CACNG8: variants seen among roughly 807,000 people sequenced by gnomAD.
The protein encoded by CACNG8 is voltage-dependent calcium channel gamma-8 subunit.
CACNG8 carries 5 observed loss-of-function variants against 26.9 expected under a neutral mutation model. The observed-to-expected ratio is 0.19, with a 90% confidence interval of 0.10 to 0.39. CACNG8 has a LOEUF of 0.39. Among genes scored for constraint, CACNG8 ranks in the 10% least tolerant of loss-of-function variants. CACNG8 has a pLI of 1.00. For missense variants in CACNG8, 473 were observed against 609.4 expected (o/e 0.78, Z 2.36); for synonymous variants, 321 against 296.7 (o/e 1.08, Z -0.84).
intron 1 of CACNG8, among the ~76,000 whole-genome samples, chr19:53,972,355 TC>T (rs2069307438): frequency 8.3e-6 from 1 of 121,070 alleles, no homozygotes. Context: ...TCTCTTTTCT[TC>T]TTTTCTTTTT....
At chr19:53,967,999 G>A (rs1050527701) in intron 1 of CACNG8, among the ~76,000 whole-genome samples, 12 of 152,204 alleles carry the variant, frequency 7.9e-5, no homozygotes. Context: ...CTAGAGATAT[G>A]ATGTAGGAGG....
At position 53,967,060 on chromosome 19, in the gene CACNG8, G is replaced by A. The variant is rs191625599; in HGVS notation, c.283+3635G>A. 3.3e-5 allele frequency among the ~76,000 whole-genome samples: 5 copies of A among 152,270 alleles called. No homozygotes were observed. In the East Asian group the frequency reaches 5.8e-4, roughly 18 times the overall value. ...GTGGATAATTCTGTGTGGAGGGGCC[G>A]TCCTATGCATTGTAGGATGCTGAGC... On this transcript the variant is annotated intron_variant, in intron 1 of 3. Coordinates refer to ENST00000270458, the MANE Select transcript of CACNG8 (RefSeq NM_031895.6).
At position 53,965,487 on chromosome 19, in the gene CACNG8, G is replaced by C. The variant is rs149250015; in HGVS notation, c.283+2062G>C. On this transcript the variant is annotated intron_variant, in intron 1 of 3. Coordinates refer to ENST00000270458, the MANE Select transcript of CACNG8 (RefSeq NM_031895.6). ...ATTCACTGGTCTGACCAAGTACCAG[G>C]CATAGAGCCAAGTGTGAGGGCTCCC... Among the ~76,000 whole-genome samples, 275 of 151,838 alleles carry C rather than the reference G, an allele frequency of 1.8e-3. 4 individuals carry two copies. The highest frequency in any genetic ancestry group is 3.4e-3 in the Non-Finnish European group (234 of 67,952).
At chr19:53,967,890 T>C (rs1200600046) in intron 1 of CACNG8, among the ~76,000 whole-genome samples, 3 of 152,094 alleles carry the variant, frequency 2.0e-5, no homozygotes, top group Non-Finnish European at 4.4e-5. Context: ...AAAATCATCT[T>C]CTTCTTTGAC....
In CACNG8 at chr19:53,963,364, G is replaced by A. The variant is rs1036844702; in HGVS notation, c.222G>A (p.Ser74=). 15 of 1,588,728 alleles carry A rather than the reference G, an allele frequency of 9.4e-6. No homozygotes were observed. The highest frequency in any genetic ancestry group is 1.3e-5 in the Non-Finnish European group (15 of 1,174,038). The change falls in exon 1 of 4, where the codon TCG becomes TCA. Residue 74 remains serine, a synonymous_variant. Coordinates refer to ENST00000270458, the MANE Select transcript of CACNG8 (RefSeq NM_031895.6). ...CCCACCGCGGGGGCGGCGGCGCCTC[G>A]GAGAAGAAGGACCCCGGCGGCCTCA...
In CACNG8 at chr19:53,970,834, A is replaced by G. The variant is rs1052609339; in HGVS notation, c.284-7312A>G. Among the ~76,000 whole-genome samples the G allele has an allele frequency of 6.7e-5, 10 of 150,218 alleles. No individual in the cohort carries two copies. The East Asian group carries it at 1.6e-3, about 24-fold the overall frequency. On this transcript the variant is annotated intron_variant, in intron 1 of 3. Coordinates refer to ENST00000270458, the MANE Select transcript of CACNG8 (RefSeq NM_031895.6). The stretch of plus-strand genomic sequence containing the variant: ...GTAGTCCCCACTACTAGGGAGGCTG[A>G]GGTAGAAGGATTGCTTGAGCCCAGA...
chr19:53,970,477 TA>T (rs2069296044), intron 1 of CACNG8, among the ~76,000 whole-genome samples: 1 of 147,128 alleles, frequency 6.8e-6, no homozygotes, highest in South Asian at 2.1e-4. Context: ...ATACAAAAAT[TA>T]GTCGGGCGTA....
chr19:53,984,541 G>A lies in CACNG8; in HGVS notation c.*1692G>A, dbSNP rs547426600. 1 of 152,522 alleles carries A rather than the reference G, an allele frequency of 6.6e-6. No individual in the cohort carries two copies. Among genetic ancestry groups the A allele is most frequent in the East Asian group, 1.9e-4 (1 of 5,186 alleles). The allele number at this position is 152,522 out of a possible 1,614,324, so 9.4% of individuals were successfully genotyped here. On this transcript the variant is annotated 3_prime_UTR_variant, in exon 4 of 4. Coordinates refer to ENST00000270458, the MANE Select transcript of CACNG8 (RefSeq NM_031895.6). ...GCCAAAGAACAACTTGGGTGAAAAC[G>A]GGAGGAAGTGAACGAGCATGATGTA...
intron 2 of CACNG8, 50 bp downstream of exon 2, chr19:53,978,279 C>G: frequency 6.7e-7 from 1 of 1,490,854 alleles, no homozygotes; most frequent in Non-Finnish European, 9.3e-7. Flanking sequence ...ATCGCGGGGC[C>G]TGGAAGGCGT....
rs1397189222 is a variant in CACNG8 at position 53,989,236 on chromosome 19, C to G, written c.*6387C>G. The G allele has an allele frequency of 1.3e-5, 2 of 152,282 alleles. No individual in the cohort carries two copies. 9.4% of individuals were successfully genotyped at this position (152,282 alleles called of 1,614,324 possible). A position where few individuals can be genotyped will look rare whatever the true frequency, so the allele number is the denominator to read the frequency against. The stretch of plus-strand genomic sequence containing the variant: ...GAGCTATGATTGCACCATTGCACTT[C>G]AGGCTGGGCCACAGAGCAAGACCCT... On this transcript the variant is annotated 3_prime_UTR_variant, in exon 4 of 4. Transcript: ENST00000270458.
chr19:53,967,196 C>T (rs747095945), intron 1 of CACNG8, among the ~76,000 whole-genome samples: 2 of 152,118 alleles, frequency 1.3e-5, no homozygotes, highest in Non-Finnish European at 2.9e-5. Context: ...GGGATAAAAT[C>T]GCCCTGAGTT....
intron 2 of CACNG8, among the ~76,000 whole-genome samples, chr19:53,979,064 A>AG (rs1255346362): frequency 7.3e-6 from 1 of 136,740 alleles, no homozygotes; most frequent in Non-Finnish European, 1.6e-5. Flanking sequence ...AAAAAAAAAG[A>AG]GGGGGGAGAG....
rs2069252829 is a variant in CACNG8 at position 53,963,193 on chromosome 19, G to C, written c.51G>C (p.Lys17Asn). The change falls in exon 1 of 4, where the codon AAG becomes AAC. Residue 17 changes from lysine to asparagine, a missense_variant. By Grantham distance (94) the Lys-to-Asn change is moderately conservative. Around this residue, in one of 6 missense-constraint regions of CACNG8, gnomAD observed 26 missense variants for 23.8 expected, o/e 1.09. Transcript: ENST00000270458. Reference sequence around the variant, plus strand: ...AAGAGCGGGGCCTCTGGTGCGAGAAGGGGGTGCAGGTGCTGCTGACGACGG... The same window carrying C: ...AAGAGCGGGGCCTCTGGTGCGAGAACGGGGTGCAGGTGCTGCTGACGACGG... 2.5e-6 allele frequency: 4 copies of C among 1,592,808 alleles called. No individual in the cohort carries two copies. The highest frequency in any genetic ancestry group is 3.4e-6 in the Non-Finnish European group (4 of 1,171,674).
rs1295803000 is a variant in CACNG8, at chr19:53,981,615, CCAGGGCCGTGTCTGGACCATT to C, written c.509-458_509-438del. On this transcript the variant is annotated intron_variant, in intron 3 of 3. Coordinates refer to ENST00000270458, the MANE Select transcript of CACNG8 (RefSeq NM_031895.6). ...TATCTGGGGGCAGGACCTGGACCAT[CCAGGGCCGTGTCTGGACCATT>C]CAGGGCAGGGCCTGGACCACCTGGG... Among the ~76,000 whole-genome samples the C allele has an allele frequency of 4.0e-5, 6 of 150,904 alleles. No homozygotes were observed. The East Asian group carries it at 1.2e-3, about 30-fold the overall frequency.
chr19:53,975,443 G>A (rs564606508), intron 1 of CACNG8, among the ~76,000 whole-genome samples: 8 of 151,798 alleles, frequency 5.3e-5, no homozygotes, highest in Non-Finnish European at 1.2e-4. Flanking sequence ...GCAGTGGCGC[G>A]ATCTCAGCGC....
intron 1 of CACNG8, among the ~76,000 whole-genome samples, chr19:53,972,350 TTTC>T (rs2069307365): frequency 7.2e-6 from 1 of 138,868 alleles, no homozygotes; most frequent in Admixed American, 7.6e-5. Context: ...TTTCTTCTCT[TTTC>T]TTCTTTTCTT....
chr19:53,963,437 G>A lies in CACNG8; in HGVS notation c.283+12G>A. The A allele has an allele frequency of 4.2e-6, 6 of 1,435,966 alleles. No individual in the cohort carries two copies. The highest frequency in any genetic ancestry group is 5.4e-6 in the Non-Finnish European group (6 of 1,101,304). 89.0% of individuals were successfully genotyped at this position (1,435,966 alleles called of 1,614,324 possible). ...CTGCTGCCTGGAAGGTAGGGTGCGG[G>A]CGGCCCTCCCCGCAGCCCCCGCCGC... On this transcript the variant is annotated intron_variant, in intron 1 of 3. Transcript: ENST00000270458.
intron 1 of CACNG8, among the ~76,000 whole-genome samples, chr19:53,968,630 T>C (rs1048737264): frequency 6.6e-6 from 1 of 151,528 alleles, no homozygotes; most frequent in Non-Finnish European, 1.5e-5. Context: ...TAGCCGGGCG[T>C]GGTGGCGTGT....
rs910808256 is a variant in CACNG8, at chr19:53,970,557, G to A, written c.283+7132G>A. On this transcript the variant is annotated intron_variant, in intron 1 of 3. Transcript: ENST00000270458. ...GGAGAATCGCTTGAACCCAGGAGGC[G>A]GAGGTTGCTGTGAGCTGAGATGGCG... Among the ~76,000 whole-genome samples the A allele has an allele frequency of 3.9e-4, 54 of 138,710 alleles. 1 individual carries two copies. Among genetic ancestry groups the A allele is most frequent in the African/African-American group, 8.6e-4 (32 of 37,084 alleles). The allele number at this position is 138,710 out of a possible 152,430, so 91.0% of individuals were successfully genotyped here.
Sources: allele counts gnomAD v4.1 joint callset (sites outside exome capture counted in the v4.1 genomes callset), GRCh38; gene constraint gnomAD v4.1.1; regional missense constraint gnomAD v4.1.1; transcripts MANE v1.5; gene names NCBI Gene and HGNC (gene_info 2026-07-23, HGNC 2026-07-21).